Variants in EYA4 observed in about 807,000 individuals in gnomAD.
EYA4 encodes the protein protein phosphatase EYA4.
EYA4 carries 31 observed loss-of-function variants against 87.9 expected under a neutral mutation model. The ratio of observed to expected loss-of-function variants is 0.35; its 90% CI spans 0.27 to 0.48. The LOEUF (loss-of-function observed/expected upper bound fraction) is 0.48. Among genes scored for constraint, EYA4 ranks in the 20% least tolerant of loss-of-function variants. The probability of loss-of-function intolerance (pLI) is 0.99; values close to 1 mark genes in which losing one functional copy is unlikely to be tolerated. For missense variants in EYA4, 678 were observed against 761.4 expected (o/e 0.89, Z 1.29); for synonymous variants, 263 against 270.6 (o/e 0.97, Z 0.28).
chr6:133,525,892 C>G (rs1265156629), intron 19 of EYA4: 5 of 985,154 alleles, frequency 5.1e-6, no homozygotes, highest in Non-Finnish European at 6.0e-6. Flanking sequence ...ACCAACTTGT[C>G]TTAGCCGTAA....
intron 3 of EYA4, among the ~76,000 whole-genome samples, chr6:133,410,715 G>A (rs1330874078): frequency 2.0e-5 from 3 of 151,490 alleles, no homozygotes; most frequent in African/African-American, 7.3e-5. Context: ...CCCTCCTGTT[G>A]GCAGGGCTTT....
chr6:133,299,757 A>G (rs1363720361), intron 2 of EYA4, among the ~76,000 whole-genome samples: 1 of 150,170 alleles, frequency 6.7e-6, no homozygotes, highest in African/African-American at 2.4e-5. Context: ...AATAAAATAA[A>G]ATAAAATAAA....
At chr6:133,351,412 A>G (rs1428337880) in intron 2 of EYA4, among the ~76,000 whole-genome samples, 1 of 152,130 alleles carries the variant, frequency 6.6e-6, no homozygotes, top group African/African-American at 2.4e-5. Context: ...TTTAGCAACT[A>G]TATAGTGAGT....
At chr6:133,303,222 G>T (rs1488182519) in intron 2 of EYA4, among the ~76,000 whole-genome samples, 1 of 152,104 alleles carries the variant, frequency 6.6e-6, no homozygotes, top group African/African-American at 2.4e-5. Flanking sequence ...GGTATTCAGT[G>T]TATTGTCGGT....
intron 2 of EYA4, among the ~76,000 whole-genome samples, chr6:133,336,854 T>G (rs1782401275): frequency 6.6e-6 from 1 of 152,162 alleles, no homozygotes; most frequent in African/African-American, 2.4e-5. Flanking sequence ...TGTACTAATC[T>G]TTCAATTTTT....
intron 1 of EYA4, among the ~76,000 whole-genome samples, chr6:133,253,010 T>C (rs1775046412): frequency 1.4e-5 from 2 of 140,798 alleles, no homozygotes; most frequent in African/African-American, 2.5e-5. Flanking sequence ...CTCTCTCACT[T>C]CCTTTGATTT....
intron 1 of EYA4, among the ~76,000 whole-genome samples, chr6:133,263,196 G>T (rs558550158): frequency 5.9e-5 from 9 of 152,296 alleles, no homozygotes; most frequent in African/African-American, 2.2e-4. Flanking sequence ...TCTCAATAAT[G>T]TAACAGGAAT....
chr6:133,256,581 T>C lies in EYA4; in HGVS notation c.-66+14832T>C, dbSNP rs570826399. Among the ~76,000 whole-genome samples, 116 of 152,238 alleles carry C rather than the reference T, an allele frequency of 7.6e-4. 1 individual carries two copies. Among genetic ancestry groups the C allele is most frequent in the African/African-American group, 2.7e-3 (113 of 41,578 alleles). The stretch of plus-strand genomic sequence containing the variant: ...CATTACTCCATTATAAATGTGTTGA[T>C]AAATATTATTATACATGTCACAATA... On this transcript the variant is annotated intron_variant, in intron 1 of 19. Coordinates refer to ENST00000355286, the MANE Select transcript of EYA4 (RefSeq NM_004100.5).
chr6:133,403,525 T>C (rs1788442914), intron 3 of EYA4, among the ~76,000 whole-genome samples: 1 of 152,244 alleles, frequency 6.6e-6, no homozygotes, highest in African/African-American at 2.4e-5. Context: ...TCAAAGATAG[T>C]ACACATAGTA....
chr6:133,386,361 A>G (rs1786749326), intron 3 of EYA4, among the ~76,000 whole-genome samples: 1 of 152,154 alleles, frequency 6.6e-6, no homozygotes, highest in East Asian at 1.9e-4. Context: ...GTTTCCATGA[A>G]TCTTATTTTT....
intron 2 of EYA4, among the ~76,000 whole-genome samples, chr6:133,276,046 G>A (rs1777137186): frequency 2.0e-5 from 3 of 152,248 alleles, no homozygotes; most frequent in South Asian, 2.1e-4. Flanking sequence ...ATGGACTCTA[G>A]CAAAATGGAG....
At chr6:133,384,559 G>A (rs17062414) in intron 3 of EYA4, among the ~76,000 whole-genome samples, 11,042 of 152,172 alleles carry the variant, frequency 0.073, 1,315 homozygotes, top group African/African-American at 0.25. Flanking sequence ...AATGTGAGAT[G>A]GAAAGACCTT....
chr6:133,286,225 G>A (rs1469155937), intron 2 of EYA4, among the ~76,000 whole-genome samples: 3 of 152,136 alleles, frequency 2.0e-5, no homozygotes, highest in African/African-American at 7.2e-5. Flanking sequence ...CACTGCATGG[G>A]GGGCACATTC....
intron 3 of EYA4, among the ~76,000 whole-genome samples, chr6:133,446,272 T>C (rs1256591505): frequency 6.6e-6 from 1 of 152,184 alleles, no homozygotes; most frequent in South Asian, 2.1e-4. Context: ...TACAGTATTA[T>C]ATGGAATAGT....
chr6:133,260,047 G>T (rs1054593334), intron 1 of EYA4, among the ~76,000 whole-genome samples: 2 of 151,936 alleles, frequency 1.3e-5, no homozygotes, highest in East Asian at 3.9e-4. Context: ...ACATTTTTAT[G>T]GTTCTCTTCC....
intron 11 of EYA4, among the ~76,000 whole-genome samples, chr6:133,479,668 T>C (rs1297041005): frequency 1.3e-5 from 2 of 152,206 alleles, no homozygotes; most frequent in Non-Finnish European, 2.9e-5. Flanking sequence ...GTTTACCTTC[T>C]GTCTTGGAAA....
intron 3 of EYA4, among the ~76,000 whole-genome samples, chr6:133,437,406 C>A (rs1791791095): frequency 6.6e-6 from 1 of 152,180 alleles, no homozygotes; most frequent in African/African-American, 2.4e-5. Flanking sequence ...AGTTCTGGTG[C>A]TGCTACTTTC....
intron 2 of EYA4, among the ~76,000 whole-genome samples, chr6:133,309,680 A>G (rs574394477): frequency 1.3e-5 from 2 of 152,324 alleles, no homozygotes; most frequent in African/African-American, 4.8e-5. Flanking sequence ...ACATGCCAAC[A>G]TGCCTCCTTA....
At chr6:133,381,287 G>T (rs159407) in intron 2 of EYA4, among the ~76,000 whole-genome samples, 68,240 of 151,716 alleles carry the variant, frequency 0.45, 17,862 homozygotes, top group Middle Eastern at 0.61. Flanking sequence ...TCTAGACTTT[G>T]TATTAAAAGC....
Sources: allele counts gnomAD v4.1 joint callset (sites outside exome capture counted in the v4.1 genomes callset), GRCh38; gene constraint gnomAD v4.1.1; transcripts MANE v1.5; gene names NCBI Gene and HGNC (gene_info 2026-07-23, HGNC 2026-07-21).